DLST: variants seen among roughly 807,000 people sequenced by gnomAD.
The protein encoded by DLST is dihydrolipoyllysine-residue succinyltransferase component of 2-oxoglutarate dehydrogenase complex, mitochondrial.
Under a neutral mutation model 53.1 loss-of-function variants are expected in DLST, and 17 were observed. The ratio of observed to expected loss-of-function variants is 0.32; its 90% confidence interval spans 0.22 to 0.48. The LOEUF (loss-of-function observed/expected upper bound fraction) is 0.48. Ranked by LOEUF, DLST falls within the 20% of genes least tolerant of loss-of-function variation. The pLI, the probability that DLST is intolerant of heterozygous loss-of-function variation, is 0.99. For synonymous variants in DLST, 206 were observed against 204.8 expected (o/e 1.01, Z -0.05); for missense variants, 512 against 583.9 (o/e 0.88, Z 1.27).
At position 74,901,143 on chromosome 14, in the gene DLST, G is replaced by A. The variant is rs764106634; in HGVS notation, c.1137G>A (p.Ser379=). The change falls in exon 14 of 15, where the codon TCG becomes TCA. Residue 379 remains serine, a synonymous_variant. Transcript: ENST00000334220. ...FTISNGGVFG[S]LFGTPIINPP... ...TTAGCAATGGAGGCGTTTTTGGCTC[G>A]CTCTTTGGAACACCCATTATCAACC... 1.2e-5 allele frequency: 19 copies of A among 1,614,002 alleles called. No individual in the cohort carries two copies. The highest frequency in any genetic ancestry group is 4.5e-5 in the East Asian group (2 of 44,898).
chr14:74,895,745 C>CA (rs1884057524), intron 10 of DLST, among the ~76,000 whole-genome samples: 1 of 152,110 alleles, frequency 6.6e-6, no homozygotes, highest in Admixed American at 6.5e-5. Context: ...ACTAAAAATA[C>CA]AAAAATTACC....
chr14:74,900,107 G>A, intron 12 of DLST, 111 bp downstream of exon 12: 1 of 1,125,718 alleles, frequency 8.9e-7, no homozygotes, highest in Non-Finnish European at 1.3e-6. Flanking sequence ...TTAGAAGGGA[G>A]TTAGTAAAAG....
Position 74,891,745 on chromosome 14 carries a change from C to A in DLST, c.442+578C>A. ...TTTATAACCACTAAAAAGTCTATTT[C>A]TTTTTCCTAAGCGAGAATCGTACCC... On this transcript the variant is annotated intron_variant, in intron 7 of 14. Coordinates refer to ENST00000334220, the MANE Select transcript of DLST (RefSeq NM_001933.5). The A allele has an allele frequency of 7.1e-6, 7 of 985,124 alleles. No individual in the cohort carries two copies. In the South Asian group the frequency reaches 1.9e-4, roughly 26 times the overall value. 61.0% of individuals were successfully genotyped at this position (985,124 alleles called of 1,614,324 possible).
At chr14:74,891,297 G>A in intron 7 of DLST, 130 bp downstream of exon 7, 1 of 1,475,884 alleles carries the variant, frequency 6.8e-7, no homozygotes, top group Non-Finnish European at 9.0e-7. Flanking sequence ...GAGGGAATAA[G>A]GGGTAAATTT....
intron 6 of DLST, among the ~76,000 whole-genome samples, chr14:74,890,272 C>T (rs567307468): frequency 1.9e-4 from 29 of 151,926 alleles, no homozygotes; most frequent in Admixed American, 1.1e-3. Flanking sequence ...GGCTTACAGG[C>T]GCATGCCACA....
chr14:74,894,846 C>G (rs1359801546), intron 10 of DLST, among the ~76,000 whole-genome samples: 1 of 152,110 alleles, frequency 6.6e-6, no homozygotes, highest in Non-Finnish European at 1.5e-5. Flanking sequence ...CGCGCCTGGC[C>G]TGTTTATTGT....
chr14:74,895,522 G>A (rs765937155), intron 10 of DLST, among the ~76,000 whole-genome samples: 6 of 152,208 alleles, frequency 3.9e-5, no homozygotes, highest in Non-Finnish European at 7.3e-5. Context: ...TTGGGAGGGT[G>A]AGGAAGGAGG....
Position 74,901,206 on chromosome 14 carries a change from T to C in DLST, c.1200T>C (p.Phe400=). ...CCATCCTGGGGATGCATGGCATCTT[T>C]GACAGGCCAGTGGCTATAGGAGGCA... The part of the protein sequence containing the change: ...QSAILGMHGI[F]DRPVAIGGKV... The change falls in exon 14 of 15, where the codon TTT becomes TTC. Residue 400 remains phenylalanine (F), a synonymous_variant. Coordinates refer to ENST00000334220, the MANE Select transcript of DLST (RefSeq NM_001933.5). 1.2e-6 allele frequency: 2 copies of C among 1,614,214 alleles called. No individual in the cohort carries two copies. Among genetic ancestry groups the C allele is most frequent in the Non-Finnish European group, 1.7e-6 (2 of 1,180,038 alleles).
Position 74,889,933 on chromosome 14 carries a change from G to T in DLST, c.311G>T (p.Cys104Phe). Residue 104 changes from cysteine to phenylalanine, a missense_variant, in exon 6 of 15, where the codon TGT becomes TTT. Cys to Phe is a radical substitution (Grantham distance 205). Transcript: ENST00000334220. ...GDTVAEDEVV[C>F]EIETDKTSVQ... The stretch of plus-strand genomic sequence containing the variant: ...ACAGTTGCAGAAGATGAAGTGGTTT[G>T]TGAGATTGAAACTGACAAGGTAGGC... 1 of 1,613,936 alleles carries T rather than the reference G, an allele frequency of 6.2e-7. No individual in the cohort carries two copies. The highest frequency in any genetic ancestry group is 1.1e-5 in the South Asian group (1 of 91,058).
intron 11 of DLST, among the ~76,000 whole-genome samples, chr14:74,898,963 C>T (rs1282299361): frequency 2.0e-5 from 3 of 152,160 alleles, no homozygotes; most frequent in Non-Finnish European, 4.4e-5. Flanking sequence ...ATTTTCTTTC[C>T]TTTTTACTTA....
chr14:74,898,040 T>A (rs1156318036), intron 10 of DLST, among the ~76,000 whole-genome samples: 1 of 151,978 alleles, frequency 6.6e-6, no homozygotes, highest in Admixed American at 6.6e-5. Flanking sequence ...GATGGATAGC[T>A]CAGTTATTCA....
intron 2 of DLST, among the ~76,000 whole-genome samples, chr14:74,884,390 A>T (rs1883634366): frequency 1.3e-5 from 2 of 152,150 alleles, no homozygotes; most frequent in South Asian, 4.1e-4. Flanking sequence ...TCCACTTCAT[A>T]GGTGGGCAGG....
chr14:74,901,270 T>G (rs1594882975), intron 14 of DLST, 37 bp downstream of exon 14: 1 of 1,570,418 alleles, frequency 6.4e-7, no homozygotes, highest in Non-Finnish European at 8.6e-7. Flanking sequence ...AGTGGCTAGG[T>G]CTCGATGAAA....
intron 7 of DLST, 98 bp downstream of exon 7, chr14:74,891,265 G>A: frequency 6.4e-7 from 1 of 1,560,902 alleles, no homozygotes; most frequent in Non-Finnish European, 8.7e-7. Context: ...AAAGACTCTT[G>A]TCATTCCAGC....
In DLST at chr14:74,900,002, T is replaced by C; in HGVS notation, c.975+6T>C. On this transcript the variant is annotated splice_donor_region_variant and intron_variant, in intron 12 of 14. Transcript: ENST00000334220. The stretch of plus-strand genomic sequence containing the variant: ...TTGCAGTGGCCACCCCACGGGTATG[T>C]TGGGGCAGGAGGTGGGGAATGTTGG... 1 of 1,611,058 alleles carries C rather than the reference T, an allele frequency of 6.2e-7. No individual in the cohort carries two copies. Among genetic ancestry groups the C allele is most frequent in the Non-Finnish European group, 8.5e-7 (1 of 1,177,676 alleles).
At position 74,902,275 on chromosome 14, in the gene DLST, T is replaced by A. The variant is rs1479568972; in HGVS notation, c.1307T>A (p.Leu436His). ...GATGGCAGAGAGGCTGTGACTTTCCTCCGCAAAATCAAGGCAGCGGTAGAG... is the reference window on the plus strand; with the variant it reads ...GATGGCAGAGAGGCTGTGACTTTCCACCGCAAAATCAAGGCAGCGGTAGAG... ...LIDGREAVTF[L>H]RKIKAAVEDP... is the part of the protein sequence containing the mutation. The change falls in exon 15 of 15, where the codon CTC (leucine) becomes CAC (histidine). Residue 436 changes from leucine (L) to histidine (H), a missense_variant. This residue lies in a region of DLST where 186 missense variants were observed against 260.4 expected (regional missense o/e 0.71). Coordinates refer to ENST00000334220, the MANE Select transcript of DLST (RefSeq NM_001933.5). 1.2e-6 allele frequency: 2 copies of A among 1,613,442 alleles called. No homozygotes were observed. Among genetic ancestry groups the A allele is most frequent in the South Asian group, 2.2e-5 (2 of 91,028 alleles).
At chr14:74,886,034 A>C (rs1252983182) in intron 3 of DLST, 1 of 168,726 alleles carries the variant, frequency 5.9e-6, no homozygotes, top group African/African-American at 2.4e-5. Context: ...AAAAACAGTA[A>C]AAGCATAAAA....
rs762539941 is a variant in DLST at position 74,893,366 on chromosome 14, C to T, written c.614C>T (p.Thr205Ile). ...SGKPVSAVKP[T>I]VAPPLAEPGA... The stretch of plus-strand genomic sequence containing the variant: ...TTTTCAGTGTCTGCAGTAAAACCCA[C>T]TGTTGCCCCACCACTAGCTGAGCCA... The change falls in exon 9 of 15, where the codon ACT (threonine) becomes ATT (isoleucine). Residue 205 changes from threonine (T) to isoleucine (I), a missense_variant. Around this residue, in one of 4 missense-constraint regions of DLST, gnomAD observed 162 missense variants for 162.0 expected, o/e 1.00. Transcript: ENST00000334220. 1 of 1,614,234 alleles carries T rather than the reference C, an allele frequency of 6.2e-7. No homozygotes were observed. The highest frequency in any genetic ancestry group is 8.5e-7 in the Non-Finnish European group (1 of 1,180,048).
intron 3 of DLST, among the ~76,000 whole-genome samples, chr14:74,887,150 C>T (rs563399204): frequency 2.6e-4 from 40 of 151,998 alleles, no homozygotes; most frequent in Middle Eastern, 3.4e-3. Flanking sequence ...TCAGATTTAT[C>T]TTAAAATGGC....
Sources: allele counts gnomAD v4.1 joint callset (sites outside exome capture counted in the v4.1 genomes callset), GRCh38; gene constraint gnomAD v4.1.1; regional missense constraint gnomAD v4.1.1; transcripts MANE v1.5; gene names NCBI Gene and HGNC (gene_info 2026-07-23, HGNC 2026-07-21).